Variants in MAGI2 observed in about 807,000 individuals in gnomAD.
MAGI2 encodes membrane-associated guanylate kinase, WW and PDZ domain-containing protein 2.
A neutral mutation model predicts 133.3 loss-of-function variants in MAGI2; 35 were observed. That is an observed-to-expected ratio of 0.26 (90% CI 0.20 to 0.35). The LOEUF (loss-of-function observed/expected upper bound fraction) is 0.35, where lower values mean the gene tolerates loss of function less well. MAGI2 is among the 10% of genes least tolerant of loss of function. MAGI2 has a pLI of 1.00. For synonymous variants in MAGI2, 729 were observed against 710.6 expected (o/e 1.03, Z -0.41); for missense variants, 1,636 against 1,863.4 (o/e 0.88, Z 2.25).
intron 1 of MAGI2, among the ~76,000 whole-genome samples, chr7:79,288,536 A>C (rs1004501446): frequency 6.6e-6 from 1 of 152,166 alleles, no homozygotes; most frequent in African/African-American, 2.4e-5. Flanking sequence ...ACCATTCTGC[A>C]TATGGATTTC....
intron 10 of MAGI2, among the ~76,000 whole-genome samples, chr7:78,212,184 T>C (rs1436823845): frequency 6.6e-6 from 1 of 152,248 alleles, no homozygotes; most frequent in East Asian, 1.9e-4. Context: ...TTAATGTATC[T>C]CCTCAAATAA....
intron 1 of MAGI2, among the ~76,000 whole-genome samples, chr7:79,140,078 T>C (rs1364355883): frequency 2.6e-5 from 4 of 152,186 alleles, no homozygotes; most frequent in African/African-American, 4.8e-5. Context: ...ACATCCCCTT[T>C]AGCCTTCGAG....
At chr7:78,360,637 G>C (rs528468941) in intron 7 of MAGI2, among the ~76,000 whole-genome samples, 1 of 152,308 alleles carries the variant, frequency 6.6e-6, no homozygotes, top group Admixed American at 6.5e-5. Context: ...TGGCAAACAG[G>C]ATTGTCCAAT....
chr7:78,341,331 C>T (rs1163680043), intron 9 of MAGI2, among the ~76,000 whole-genome samples: 3 of 152,090 alleles, frequency 2.0e-5, no homozygotes, highest in African/African-American at 7.2e-5. Context: ...AAATGGAAAA[C>T]ATTCCATACT....
At chr7:78,552,409 C>T (rs1366465499) in intron 3 of MAGI2, among the ~76,000 whole-genome samples, 1 of 151,498 alleles carries the variant, frequency 6.6e-6, no homozygotes, top group Non-Finnish European at 1.5e-5. Context: ...TCTTGAACTC[C>T]TGACCTCAGG....
chr7:78,603,652 A>G (rs2150886565), intron 3 of MAGI2, among the ~76,000 whole-genome samples: 1 of 152,204 alleles, frequency 6.6e-6, no homozygotes, highest in Middle Eastern at 3.4e-3. Flanking sequence ...TCTCCTGAGT[A>G]GCTGGATTAC....
intron 9 of MAGI2, among the ~76,000 whole-genome samples, chr7:78,323,632 T>C (rs926264081): frequency 6.6e-6 from 1 of 152,228 alleles, no homozygotes. Context: ...GTCATAGTTT[T>C]TTTTGTGTTT....
intron 1 of MAGI2, among the ~76,000 whole-genome samples, chr7:79,209,249 G>A (rs1321843163): frequency 6.6e-6 from 1 of 151,808 alleles, no homozygotes; most frequent in Non-Finnish European, 1.5e-5. Context: ...CCCATAATGT[G>A]TATATACTTC....
At chr7:78,989,206 A>G (rs938506431) in intron 2 of MAGI2, among the ~76,000 whole-genome samples, 15 of 152,176 alleles carry the variant, frequency 9.9e-5, no homozygotes, top group South Asian at 2.1e-4. Context: ...TCTTTCCTGT[A>G]AATAAAAACT....
chr7:79,418,544 T>C (rs1195797685), intron 1 of MAGI2, among the ~76,000 whole-genome samples: 1 of 152,062 alleles, frequency 6.6e-6, no homozygotes, highest in Non-Finnish European at 1.5e-5. Flanking sequence ...AAGACCAATG[T>C]ATGAAATTGT....
chr7:78,873,094 T>C (rs910858425), intron 2 of MAGI2, among the ~76,000 whole-genome samples: 1 of 152,188 alleles, frequency 6.6e-6, no homozygotes, highest in Non-Finnish European at 1.5e-5. Context: ...AGGAAAAGAT[T>C]GTGAACACAG....
chr7:78,583,720 G>T (rs182075110), intron 3 of MAGI2, among the ~76,000 whole-genome samples: 75 of 152,178 alleles, frequency 4.9e-4, no homozygotes, highest in East Asian at 4.3e-3. Flanking sequence ...TCCTTTTGGG[G>T]AATACTGTAA....
intron 1 of MAGI2, among the ~76,000 whole-genome samples, chr7:79,251,148 G>A (rs554354995): frequency 8.5e-5 from 13 of 152,184 alleles, no homozygotes; most frequent in Middle Eastern, 3.4e-3. Context: ...AGGAAACATT[G>A]GGAAAACTCT....
chr7:78,809,644 T>A, intron 2 of MAGI2, among the ~76,000 whole-genome samples: 1 of 152,110 alleles, frequency 6.6e-6, no homozygotes, highest in East Asian at 1.9e-4. Context: ...TGTTTTTTTT[T>A]TCCTATTACT....
chr7:79,195,216 T>C (rs571688578), intron 1 of MAGI2, among the ~76,000 whole-genome samples: 57 of 152,148 alleles, frequency 3.7e-4, no homozygotes, highest in Admixed American at 9.8e-4. Context: ...CCAACACATT[T>C]AAGCAGACAT....
At chr7:78,483,538 C>T (rs765622435) in intron 6 of MAGI2, among the ~76,000 whole-genome samples, 4 of 151,904 alleles carry the variant, frequency 2.6e-5, no homozygotes, top group South Asian at 2.1e-4. Context: ...CTGGGACCAA[C>T]GAGAACAGAT....
intron 1 of MAGI2, among the ~76,000 whole-genome samples, chr7:79,302,091 T>G (rs1269376316): frequency 6.6e-6 from 1 of 152,158 alleles, no homozygotes; most frequent in African/African-American, 2.4e-5. Flanking sequence ...AAAAAGTAAA[T>G]TACCCAGGCT....
intron 21 of MAGI2, among the ~76,000 whole-genome samples, chr7:78,022,723 GA>G (rs1379787304): frequency 6.6e-6 from 1 of 152,172 alleles, no homozygotes; most frequent in East Asian, 1.9e-4. Context: ...CCAGAAAAAT[GA>G]AAAAATATTC....
intron 6 of MAGI2, among the ~76,000 whole-genome samples, chr7:78,467,839 T>C (rs945640695): frequency 2.6e-5 from 4 of 152,112 alleles, no homozygotes; most frequent in Admixed American, 6.6e-5. Flanking sequence ...GAAAACTGCA[T>C]AGCTATTTAA....
Sources: allele counts gnomAD v4.1 joint callset (sites outside exome capture counted in the v4.1 genomes callset), GRCh38; gene constraint gnomAD v4.1.1; transcripts MANE v1.5; gene names NCBI Gene and HGNC (gene_info 2026-07-23, HGNC 2026-07-21).